TM9SF3: variants seen among roughly 807,000 people sequenced by gnomAD.
TM9SF3 encodes the protein transmembrane 9 superfamily member 3, also known as SM-11044-binding protein.
Under a neutral mutation model 78.6 loss-of-function variants are expected in TM9SF3, and 14 were observed. The ratio of observed to expected loss-of-function variants is 0.18; its 90% CI spans 0.12 to 0.28. TM9SF3 has a LOEUF of 0.28. Among genes scored for constraint, TM9SF3 ranks in the 10% least tolerant of loss-of-function variants. TM9SF3 has a pLI of 1.00. For missense variants in TM9SF3, 496 were observed against 721.9 expected (o/e 0.69, Z 3.59); for synonymous variants, 231 against 241.7 (o/e 0.96, Z 0.41).
chr10:96,556,183 A>C (rs1848231848), intron 5 of TM9SF3, among the ~76,000 whole-genome samples: 1 of 152,188 alleles, frequency 6.6e-6, no homozygotes, highest in East Asian at 1.9e-4. Flanking sequence ...AACCCTACTA[A>C]TGCTGCATGC....
At chr10:96,564,319 C>T (rs937396254) in intron 3 of TM9SF3, among the ~76,000 whole-genome samples, 1 of 152,088 alleles carries the variant, frequency 6.6e-6, no homozygotes, top group Non-Finnish European at 1.5e-5. Context: ...ATGAAGGAGG[C>T]CCAAACCAAT....
chr10:96,576,973 A>C (rs139770885), intron 1 of TM9SF3, 144 bp from the exon 2 acceptor site: 1 of 571,576 alleles, frequency 1.7e-6, no homozygotes, highest in African/African-American at 2.0e-5. Context: ...TAATCTGATG[A>C]TGAATGTCCA....
intron 1 of TM9SF3, among the ~76,000 whole-genome samples, chr10:96,578,669 A>G (rs564535615): frequency 6.6e-6 from 1 of 152,326 alleles, no homozygotes; most frequent in South Asian, 2.1e-4. Flanking sequence ...GGGCCACACA[A>G]TACTAATCAA....
At chr10:96,567,511 G>A (rs1407746315) in intron 2 of TM9SF3, among the ~76,000 whole-genome samples, 23 of 152,198 alleles carry the variant, frequency 1.5e-4, no homozygotes, top group Non-Finnish European at 1.8e-4. Context: ...GTGCTCTCTT[G>A]GCCTCTGAAC....
chr10:96,552,589 C>A (rs1455582188), intron 6 of TM9SF3, among the ~76,000 whole-genome samples: 4 of 152,148 alleles, frequency 2.6e-5, no homozygotes, highest in African/African-American at 9.7e-5. Flanking sequence ...ATAAATTAAT[C>A]CTTCTACCCA....
chr10:96,578,030 C>A lies in TM9SF3; in HGVS notation c.103-1201G>T, dbSNP rs183615681. On this transcript the variant is annotated intron_variant, in intron 1 of 14. Transcript: ENST00000371142. ...TCTAATGGTACTACCATTCTCTCAG[C>A]CATGGAGACTCAAACCCCAAATCTC... Among the ~76,000 whole-genome samples the A allele has an allele frequency of 2.4e-4, 36 of 152,284 alleles. No individual in the cohort carries two copies. The East Asian group carries it at 6.2e-3, about 26-fold the overall frequency.
At chr10:96,554,050 T>C (rs1404222003) in intron 5 of TM9SF3, among the ~76,000 whole-genome samples, 1 of 152,092 alleles carries the variant, frequency 6.6e-6, no homozygotes, top group Non-Finnish European at 1.5e-5. Context: ...TTTTCTCCTC[T>C]CATTTTGCAT....
intron 3 of TM9SF3, among the ~76,000 whole-genome samples, chr10:96,564,419 T>C (rs1296888991): frequency 6.6e-6 from 1 of 152,250 alleles, no homozygotes; most frequent in Non-Finnish European, 1.5e-5. Flanking sequence ...GAGAAATGTC[T>C]GTGTTACCAT....
intron 5 of TM9SF3, 21 bp downstream of exon 5, chr10:96,559,638 T>C: frequency 6.5e-7 from 1 of 1,544,250 alleles, no homozygotes; most frequent in Non-Finnish European, 8.8e-7. Context: ...ATCAATGTCT[T>C]AAAATACACT....
At chr10:96,559,636 C>T (rs761184257) in intron 5 of TM9SF3, 23 bp downstream of exon 5, 25 of 1,534,140 alleles carry the variant, frequency 1.6e-5, no homozygotes, top group Middle Eastern at 1.7e-4. Flanking sequence ...TAATCAATGT[C>T]TTAAAATACA....
intron 9 of TM9SF3, among the ~76,000 whole-genome samples, chr10:96,536,553 C>T (rs1469167125): frequency 2.0e-5 from 3 of 151,890 alleles, no homozygotes; most frequent in East Asian, 3.9e-4. Context: ...GATACAAAGC[C>T]AATATCCTAA....
At position 96,522,025 on chromosome 10, in the gene TM9SF3, TA is replaced by T; in HGVS notation, c.*237del. Reference sequence around the variant, plus strand: ...TTTTGGGAAGATTAGCCATGTACTGTAGTAATGCCTACTGCATAAAATCCAA... The same window carrying T: ...TTTTGGGAAGATTAGCCATGTACTGTGTAATGCCTACTGCATAAAATCCAA... On this transcript the variant is annotated 3_prime_UTR_variant, in exon 15 of 15. Coordinates refer to ENST00000371142, the MANE Select transcript of TM9SF3 (RefSeq NM_020123.4). 1 of 495,032 alleles carries T rather than the reference TA, an allele frequency of 2.0e-6. No homozygotes were observed. Among genetic ancestry groups the T allele is most frequent in the Non-Finnish European group, 3.5e-6 (1 of 283,804 alleles). 30.7% of individuals were successfully genotyped at this position (495,032 alleles called of 1,614,324 possible).
chr10:96,554,693 TAGTC>T (rs1848214366), intron 5 of TM9SF3, among the ~76,000 whole-genome samples: 1 of 152,096 alleles, frequency 6.6e-6, no homozygotes, highest in Non-Finnish European at 1.5e-5. Flanking sequence ...CCCAAATTGC[TAGTC>T]TTCTTTCTCA....
intron 14 of TM9SF3, among the ~76,000 whole-genome samples, chr10:96,523,341 A>G (rs1847801271): frequency 6.6e-6 from 1 of 151,856 alleles, no homozygotes; most frequent in African/African-American, 2.4e-5. Context: ...CGAATCTTTT[A>G]GTGAATCTTT....
At chr10:96,559,924 T>C (rs957334542) in intron 4 of TM9SF3, among the ~76,000 whole-genome samples, 188 bp from the exon 5 acceptor site, 3 of 152,222 alleles carry the variant, frequency 2.0e-5, no homozygotes, top group Middle Eastern at 3.2e-3. Flanking sequence ...TTTCTGTTTA[T>C]TGACAAAACT....
chr10:96,561,462 C>G (rs2134150447), intron 4 of TM9SF3, among the ~76,000 whole-genome samples: 1 of 152,262 alleles, frequency 6.6e-6, no homozygotes, highest in South Asian at 2.1e-4. Context: ...GAATTTCTCT[C>G]TCATTTTTAC....
chr10:96,557,726 C>T (rs2134147845), intron 5 of TM9SF3, among the ~76,000 whole-genome samples: 1 of 152,278 alleles, frequency 6.6e-6, no homozygotes, highest in East Asian at 1.9e-4. Flanking sequence ...AATACTCTTT[C>T]CCCTAAATAT....
intron 1 of TM9SF3, among the ~76,000 whole-genome samples, chr10:96,586,207 A>C (rs958218470): frequency 1.3e-5 from 2 of 152,180 alleles, no homozygotes; most frequent in African/African-American, 4.8e-5. Context: ...GCCCCACCCC[A>C]GGGTTTTAAT....
intron 14 of TM9SF3, 137 bp downstream of exon 14, chr10:96,527,076 A>C: frequency 1.6e-6 from 1 of 630,648 alleles, no homozygotes; most frequent in Non-Finnish European, 2.7e-6. Context: ...AGTCAAAAGG[A>C]CTGAAATCAG....
Sources: gnomAD v4.1 joint callset for allele counts (sites outside exome capture counted in the v4.1 genomes callset) on GRCh38, gnomAD v4.1.1 for gene constraint, MANE v1.5 for transcripts, NCBI Gene and HGNC (gene_info 2026-07-23, HGNC 2026-07-21) for gene names.